TBC1D8B: variants seen among roughly 807,000 people sequenced by gnomAD.
The protein encoded by TBC1D8B is TBC1 domain family member 8B.
TBC1D8B carries 75 observed loss-of-function variants against 82.9 expected under a neutral mutation model. That is an observed-to-expected ratio of 0.90 (90% CI 0.75 to 1.10). The LOEUF (loss-of-function observed/expected upper bound fraction) is 1.10, where lower values mean the gene tolerates loss of function less well. TBC1D8B is among the 50% of genes least tolerant of loss of function. TBC1D8B has a pLI of 0.00. For synonymous variants in TBC1D8B, 276 were observed against 276.8 expected (o/e 1.00, Z 0.03); for missense variants, 794 against 796.9 (o/e 1.00, Z 0.04).
intron 5 of TBC1D8B, among the ~76,000 whole-genome samples, chrX:106,825,646 G>A (rs917211082): frequency 3.6e-5 from 4 of 110,754 alleles, no homozygotes; most frequent in Middle Eastern, 4.6e-3. Context: ...TGGGTAACTC[G>A]CTTGATTTTC....
intron 1 of TBC1D8B, among the ~76,000 whole-genome samples, chrX:106,812,587 A>G (rs191973548): frequency 1.9e-4 from 21 of 111,623 alleles, no homozygotes; most frequent in African/African-American, 6.5e-4. Context: ...ACTAAAGGAC[A>G]TTTTAGTTTG....
At chrX:106,849,749 A>G (rs1932547379) in intron 11 of TBC1D8B, 5 of 837,524 alleles carry the variant, frequency 6.0e-6, no homozygotes, top group Non-Finnish European at 7.5e-6. Context: ...ACATGAGACT[A>G]TTTCATTAAT....
intron 1 of TBC1D8B, among the ~76,000 whole-genome samples, chrX:106,809,610 G>A (rs936132533): frequency 2.3e-4 from 26 of 111,219 alleles, no homozygotes; most frequent in African/African-American, 8.5e-4. Flanking sequence ...CTGGCCAGGC[G>A]CAGTGGCTCA....
chrX:106,810,941 A>G (rs1395972592), intron 1 of TBC1D8B, among the ~76,000 whole-genome samples: 1 of 111,981 alleles, frequency 8.9e-6, no homozygotes, highest in African/African-American at 3.2e-5. Context: ...TATTAACTGC[A>G]TACCTAAGTA....
At chrX:106,803,925 G>A (rs1450242198) in intron 1 of TBC1D8B, among the ~76,000 whole-genome samples, 2 of 111,430 alleles carry the variant, frequency 1.8e-5, no homozygotes, top group East Asian at 5.7e-4. Context: ...GTGATGTAAT[G>A]GAAAGAGGGA....
chrX:106,865,571 T>C lies in TBC1D8B; in HGVS notation c.2365T>C (p.Ser789Pro). Residue 789 changes from serine (S) to proline (P), a missense_variant, in exon 15 of 21, where the codon TCA becomes CCA. Physicochemically the swap from Ser to Pro is moderately conservative, Grantham distance 74. Coordinates refer to ENST00000357242, the MANE Select transcript of TBC1D8B (RefSeq NM_017752.3). The stretch of plus-strand genomic sequence containing the variant: ...AATCTTTTTAAAGTTGCGTGTTGTA[T>C]CACAAGATGTGAAATTGAGCCTTCA... ...TTKQNVLRVV[S>P]QDVKLSLQEL... is the part of the protein sequence containing the mutation. 1 of 1,200,384 alleles carries C rather than the reference T, an allele frequency of 8.3e-7. No homozygotes were observed.
chrX:106,871,642 G>C lies in TBC1D8B; in HGVS notation c.2967+829G>C, dbSNP rs764282746. On this transcript the variant is annotated intron_variant, in intron 20 of 20. Coordinates refer to ENST00000357242, the MANE Select transcript of TBC1D8B (RefSeq NM_017752.3). ...CACTATCTACCTAGAAATAGTATGA[G>C]ATCCCACAGGTTGAGTGTTCAGTCC... Among the ~76,000 whole-genome samples the C allele has an allele frequency of 2.6e-3, 285 of 111,421 alleles. 1 individual carries two copies. The highest frequency in any genetic ancestry group is 2.3e-3 in the Admixed American group (24 of 10,541).
Position 106,802,975 on chromosome X carries a change from G to A in TBC1D8B, c.122G>A (p.Gly41Glu). 1 of 1,205,424 alleles carries A rather than the reference G, an allele frequency of 8.3e-7. No homozygotes were observed. The highest frequency in any genetic ancestry group is 1.1e-6 in the Non-Finnish European group (1 of 893,047). Residue 41 changes from glycine (G) to glutamate (E), a missense_variant, in exon 1 of 21, where the codon GGG becomes GAG. Transcript: ENST00000357242. ...RRGYGEEGGG[G>E]LTGLLVGTLD... ...GGCTACGGGGAGGAAGGCGGAGGGG[G>A]GCTCACAGGTAAGCTGTGGCCACCC... is the stretch of plus-strand genomic sequence containing the variant.
intron 10 of TBC1D8B, among the ~76,000 whole-genome samples, chrX:106,847,350 G>A (rs1932480635): frequency 9.0e-6 from 1 of 111,516 alleles, no homozygotes; most frequent in Non-Finnish European, 1.9e-5. Flanking sequence ...TTAGTACACA[G>A]TGTGATACAA....
chrX:106,826,541 A>G (rs1162767546), intron 6 of TBC1D8B, among the ~76,000 whole-genome samples: 1 of 105,164 alleles, frequency 9.5e-6, no homozygotes, highest in Admixed American at 1.0e-4. Context: ...TCACAACATT[A>G]GGTATATCTC....
In TBC1D8B at chrX:106,840,059, A is replaced by C; in HGVS notation, c.1365A>C (p.Lys455Asn). The change falls in exon 9 of 21, where the codon AAA becomes AAC. Residue 455 changes from lysine to asparagine, a missense_variant. Lys to Asn is a moderately conservative substitution (Grantham distance 94). Transcript: ENST00000357242. ...TTCTGTCATTACAGTTGAAAGAAAA[A>C]ATGAAGGAACAGTCATGGAAAATAC... ...ETLNSKMLKE[K>N]MKEQSWKILF... 8.4e-7 allele frequency: 1 copy of C among 1,193,777 alleles called. No individual in the cohort carries two copies. The highest frequency in any genetic ancestry group is 1.8e-5 in the African/African-American group (1 of 56,833).
chrX:106,860,541 T>A (rs1041343919), intron 14 of TBC1D8B, among the ~76,000 whole-genome samples: 2 of 110,830 alleles, frequency 1.8e-5, no homozygotes, highest in Admixed American at 9.7e-5. Flanking sequence ...TCTCTGAGGG[T>A]ATTTTTTGTA....
chrX:106,823,525 G>A (rs1931756795), intron 5 of TBC1D8B, 59 bp downstream of exon 5: 1 of 1,130,964 alleles, frequency 8.8e-7, no homozygotes, highest in South Asian at 2.1e-5. Flanking sequence ...AATGAAGATA[G>A]TATTGCTTAC....
intron 12 of TBC1D8B, among the ~76,000 whole-genome samples, chrX:106,851,830 G>A: frequency 8.9e-6 from 1 of 111,812 alleles, no homozygotes. Context: ...GACATTTGGG[G>A]TGGTTCCAAC....
In TBC1D8B at chrX:106,826,023, C is replaced by T. The variant is rs1252746691; in HGVS notation, c.828-7C>T. 1 of 1,200,246 alleles carries T rather than the reference C, an allele frequency of 8.3e-7. No individual in the cohort carries two copies. Among genetic ancestry groups the T allele is most frequent in the Non-Finnish European group, 1.1e-6 (1 of 890,712 alleles). On this transcript the variant is annotated splice_region_variant and splice_polypyrimidine_tract_variant and intron_variant, in intron 5 of 20. Transcript: ENST00000357242. ...TTGTGCCTTATCCCATTTTTTCTTTCCTACAGAGGTCTGGAAAATAGAGCC... is the reference window on the plus strand; with the variant it reads ...TTGTGCCTTATCCCATTTTTTCTTTTCTACAGAGGTCTGGAAAATAGAGCC...
intron 16 of TBC1D8B, among the ~76,000 whole-genome samples, chrX:106,866,344 C>G (rs1932815286): frequency 9.0e-6 from 1 of 111,610 alleles, no homozygotes; most frequent in Admixed American, 9.5e-5. Context: ...CCGACCTCCC[C>G]GTAAAAATTC....
intron 1 of TBC1D8B, among the ~76,000 whole-genome samples, chrX:106,813,376 T>C (rs1931435827): frequency 1.8e-5 from 2 of 111,783 alleles, no homozygotes; most frequent in South Asian, 7.5e-4. Context: ...CTAGCACTAG[T>C]TTCCAAATTA....
intron 14 of TBC1D8B, among the ~76,000 whole-genome samples, chrX:106,858,950 A>T (rs1437229483): frequency 9.0e-6 from 1 of 111,663 alleles, no homozygotes; most frequent in African/African-American, 3.3e-5. Context: ...TCCCAGCACC[A>T]TTTATTGAAT....
At chrX:106,852,036 G>A (rs1932597691) in intron 12 of TBC1D8B, among the ~76,000 whole-genome samples, 1 of 109,305 alleles carries the variant, frequency 9.1e-6, no homozygotes, top group African/African-American at 3.3e-5. Context: ...CACCAACAGT[G>A]TAAAAGTGTT....
Sources: allele counts gnomAD v4.1 joint callset (sites outside exome capture counted in the v4.1 genomes callset), GRCh38; gene constraint gnomAD v4.1.1; transcripts MANE v1.5; gene names NCBI Gene and HGNC (gene_info 2026-07-23, HGNC 2026-07-21).